The following KIZ variants were observed in gnomAD, a reference collection of about 807,000 sequenced individuals.
KIZ encodes the protein kizuna centrosomal protein.
KIZ carries 68 observed loss-of-function variants against 79.6 expected under a neutral mutation model. That is an observed-to-expected ratio of 0.85 (90% CI 0.70 to 1.05). The LOEUF (loss-of-function observed/expected upper bound fraction) is 1.05. KIZ is among the 50% of genes least tolerant of loss of function. The pLI, the probability that KIZ is intolerant of heterozygous loss-of-function variation, is 0.00. For synonymous variants in KIZ, 280 were observed against 281.8 expected (o/e 0.99, Z 0.06); for missense variants, 797 against 800.4 (o/e 1.00, Z 0.05).
At chr20:21,184,405 C>T (rs909320061) in intron 6 of KIZ, among the ~76,000 whole-genome samples, 1 of 152,184 alleles carries the variant, frequency 6.6e-6, no homozygotes. Flanking sequence ...CCTGCTCGGC[C>T]TCCCAAAGGG....
At chr20:21,243,533 T>C (rs1449450960) in intron 11 of KIZ, among the ~76,000 whole-genome samples, 2 of 152,114 alleles carry the variant, frequency 1.3e-5, no homozygotes. Flanking sequence ...TTCAGGCAAT[T>C]CTGAAAGAAT....
chr20:21,156,150 A>C lies in KIZ; in HGVS notation c.406-5721A>C, dbSNP rs188285302. ...GAGATAGTACAAAGTGTTCCCTTGG[A>C]TCCCTCACCTAGTTTCCACCATTGT... is the stretch of plus-strand genomic sequence containing the variant. On this transcript the variant is annotated intron_variant, in intron 4 of 12. Transcript: ENST00000619189. 5.9e-4 allele frequency among the ~76,000 whole-genome samples: 90 copies of C among 152,304 alleles called. 1 individual carries two copies. The highest frequency in any genetic ancestry group is 8.8e-5 in the Non-Finnish European group (6 of 68,022).
At chr20:21,132,836 G>A (rs2031938586) in intron 2 of KIZ, 1 of 152,290 alleles carries the variant, frequency 6.6e-6, no homozygotes, top group South Asian at 2.1e-4. Context: ...AATTACTGTA[G>A]TTGATCTTTC....
chr20:21,231,297 C>T (rs1482067984), intron 10 of KIZ, among the ~76,000 whole-genome samples: 1 of 152,162 alleles, frequency 6.6e-6, no homozygotes, highest in African/African-American at 2.4e-5. Context: ...GCACTCCAGC[C>T]TGGGTGACAG....
intron 6 of KIZ, among the ~76,000 whole-genome samples, chr20:21,167,793 T>G (rs1196879825): frequency 1.3e-5 from 2 of 152,062 alleles, no homozygotes; most frequent in African/African-American, 2.4e-5. Flanking sequence ...ACTCCTAACC[T>G]CAGGAGATTT....
chr20:21,145,649 G>T lies in KIZ; in HGVS notation c.400G>T (p.Glu134Ter), dbSNP rs1159265161. ...LKEELTDEDR[E>*]KVAVHEGINS... is the part of the protein sequence containing the mutation. ...AGAGGAACTGACAGATGAAGACAGA[G>T]AAAAGGTAATAAACTAAATTGGTAA... The change falls in exon 4 of 13, where the codon GAA becomes TAA. Residue 134 changes from glutamate (E) to a stop codon, truncating the protein, a stop_gained. Coordinates refer to ENST00000619189, the MANE Select transcript of KIZ (RefSeq NM_018474.6). LOFTEE classifies it high-confidence loss of function. 1.4e-6 allele frequency: 2 copies of T among 1,446,184 alleles called. No homozygotes were observed. The highest frequency in any genetic ancestry group is 1.9e-6 in the Non-Finnish European group (2 of 1,064,108). 89.6% of individuals were successfully genotyped at this position (1,446,184 alleles called of 1,614,324 possible). A position where few individuals can be genotyped will look rare whatever the true frequency, so the allele number is the denominator to read the frequency against.
chr20:21,132,599 C>T (rs535538797), intron 2 of KIZ, among the ~76,000 whole-genome samples: 2 of 151,288 alleles, frequency 1.3e-5, no homozygotes, highest in African/African-American at 4.8e-5. Flanking sequence ...GTACTCTTAC[C>T]ATTCTCTTAT....
At chr20:21,141,607 C>T (rs2032535335) in intron 3 of KIZ, among the ~76,000 whole-genome samples, 1 of 151,906 alleles carries the variant, frequency 6.6e-6, no homozygotes, top group South Asian at 2.1e-4. Flanking sequence ...CCTTAGCCTA[C>T]CTCATGGCAA....
At chr20:21,221,729 T>A (rs1228673974) in intron 9 of KIZ, among the ~76,000 whole-genome samples, 1 of 152,140 alleles carries the variant, frequency 6.6e-6, no homozygotes. Context: ...AGGCAGTGCT[T>A]CCCAAAACAT....
intron 4 of KIZ, among the ~76,000 whole-genome samples, chr20:21,147,033 T>C (rs2032883087): frequency 6.6e-6 from 1 of 152,158 alleles, no homozygotes; most frequent in Admixed American, 6.5e-5. Context: ...ATGAAATAAT[T>C]GATGTGTTTT....
chr20:21,146,400 G>A (rs1481208011), intron 4 of KIZ, among the ~76,000 whole-genome samples: 1 of 152,200 alleles, frequency 6.6e-6, no homozygotes, highest in Non-Finnish European at 1.5e-5. Flanking sequence ...TTAGGCTGCA[G>A]CATTCATTAA....
At chr20:21,126,029 C>A, upstream of KIZ, 1 of 1,358,954 alleles carries the variant, frequency 7.4e-7, no homozygotes, top group Non-Finnish European at 9.5e-7. Flanking sequence ...GGTGTTTACC[C>A]GCGGTGCATG....
intron 11 of KIZ, among the ~76,000 whole-genome samples, chr20:21,240,344 C>T (rs1318030518): frequency 7.9e-5 from 12 of 152,116 alleles, no homozygotes; most frequent in Admixed American, 2.0e-4. Flanking sequence ...AGGCTGATCT[C>T]GAACTCCTGA....
chr20:21,166,578 G>A, intron 6 of KIZ: 1 of 1,374,202 alleles, frequency 7.3e-7, no homozygotes, highest in Non-Finnish European at 1.0e-6. Context: ...GCATCTGCCA[G>A]GACATTCATG....
chr20:21,193,912 G>A (rs536087310), intron 6 of KIZ: 19 of 150,654 alleles, frequency 1.3e-4, no homozygotes, highest in African/African-American at 3.9e-4. Context: ...GCTAAATGAC[G>A]AGTTAATGGG....
intron 1 of KIZ, among the ~76,000 whole-genome samples, chr20:21,127,840 G>A (rs1040937556): frequency 5.3e-5 from 8 of 152,170 alleles, no homozygotes; most frequent in African/African-American, 1.7e-4. Context: ...GAATGAGGGG[G>A]CTTGACTAAT....
chr20:21,155,612 T>C (rs2033342668), intron 4 of KIZ, among the ~76,000 whole-genome samples: 1 of 152,212 alleles, frequency 6.6e-6, no homozygotes, highest in African/African-American at 2.4e-5. Flanking sequence ...ATTGTGGTGA[T>C]GGTCGCACAA....
intron 9 of KIZ, among the ~76,000 whole-genome samples, chr20:21,219,499 A>G (rs1568989138): frequency 6.6e-6 from 1 of 151,900 alleles, no homozygotes; most frequent in South Asian, 2.1e-4. Flanking sequence ...TGTATTTGTT[A>G]TAGAGATGGG....
intron 7 of KIZ, among the ~76,000 whole-genome samples, chr20:21,208,749 T>C (rs1040649540): frequency 2.7e-5 from 4 of 150,772 alleles, no homozygotes; most frequent in East Asian, 1.9e-4. Context: ...TCCAGTTAGG[T>C]TGTGACTGAA....
Sources: gnomAD v4.1 joint callset for allele counts (sites outside exome capture counted in the v4.1 genomes callset) on GRCh38, gnomAD v4.1.1 for gene constraint, MANE v1.5 for transcripts, NCBI Gene and HGNC (gene_info 2026-07-23, HGNC 2026-07-21) for gene names.